Variants in KCNT2 observed in about 807,000 individuals in gnomAD.
The protein encoded by KCNT2 is potassium sodium-activated channel subfamily T member 2, also known as potassium channel subfamily T member 2.
Under a neutral mutation model 153.8 loss-of-function variants are expected in KCNT2, and 67 were observed. That is an observed-to-expected ratio of 0.44 (90% CI 0.36 to 0.53). The LOEUF (loss-of-function observed/expected upper bound fraction) is 0.53. Among genes scored for constraint, KCNT2 ranks in the 20% least tolerant of loss-of-function variants. The pLI, the probability that KCNT2 is intolerant of heterozygous loss-of-function variation, is 0.00. For synonymous variants in KCNT2, 500 were observed against 458.8 expected (o/e 1.09, Z -1.15); for missense variants, 975 against 1,354.8 (o/e 0.72, Z 4.40).
intron 22 of KCNT2, among the ~76,000 whole-genome samples, chr1:196,291,352 A>C (rs1346298918): frequency 5.9e-5 from 9 of 151,848 alleles, no homozygotes; most frequent in African/African-American, 2.2e-4. Context: ...GAGGAAAAAA[A>C]GATTTTTATG....
intron 4 of KCNT2, among the ~76,000 whole-genome samples, chr1:196,481,748 A>G (rs537066890): frequency 1.2e-4 from 18 of 152,296 alleles, no homozygotes; most frequent in Admixed American, 1.1e-3. Context: ...ACTCTAGGGA[A>G]CACCTCAACA....
intron 1 of KCNT2, among the ~76,000 whole-genome samples, chr1:196,533,439 C>A (rs1655187280): frequency 6.6e-6 from 1 of 152,028 alleles, no homozygotes; most frequent in Non-Finnish European, 1.5e-5. Flanking sequence ...TCCAGAGAAG[C>A]AACTATAAAT....
At chr1:196,458,877 A>G (rs879059085) in intron 8 of KCNT2, among the ~76,000 whole-genome samples, 19 of 151,920 alleles carry the variant, frequency 1.3e-4, no homozygotes, top group Admixed American at 6.6e-4. Context: ...GAAAAACTTA[A>G]TTAGCAATGG....
chr1:196,426,951 C>T (rs1207192491), intron 10 of KCNT2, among the ~76,000 whole-genome samples: 1 of 151,864 alleles, frequency 6.6e-6, no homozygotes, highest in African/African-American at 2.4e-5. Context: ...CTTAGGCCTC[C>T]CCAGACATGT....
chr1:196,596,744 C>T (rs1339040086), intron 1 of KCNT2, among the ~76,000 whole-genome samples: 2 of 152,082 alleles, frequency 1.3e-5, no homozygotes, highest in East Asian at 1.9e-4. Flanking sequence ...GACAGGGTCT[C>T]GTGCTGGCAT....
At chr1:196,573,659 A>G (rs1661024444) in intron 1 of KCNT2, among the ~76,000 whole-genome samples, 1 of 151,992 alleles carries the variant, frequency 6.6e-6, no homozygotes, top group Admixed American at 6.6e-5. Context: ...GAAGAAAGAG[A>G]CGGAAGGAGG....
At chr1:196,474,917 A>C (rs1304608682) in intron 5 of KCNT2, among the ~76,000 whole-genome samples, 1 of 152,176 alleles carries the variant, frequency 6.6e-6, no homozygotes, top group Non-Finnish European at 1.5e-5. Flanking sequence ...ATGGATGCTA[A>C]TTCATTATCT....
chr1:196,271,049 A>AAC (rs910551629), intron 25 of KCNT2, among the ~76,000 whole-genome samples: 25 of 151,728 alleles, frequency 1.6e-4, no homozygotes, highest in African/African-American at 6.0e-4. Flanking sequence ...CACACACACA[A>AAC]ACACACACGC....
At chr1:196,608,079 T>C in intron 1 of KCNT2, 136 bp downstream of exon 1, 1 of 751,020 alleles carries the variant, frequency 1.3e-6, no homozygotes, top group South Asian at 1.5e-5. Flanking sequence ...TCAGAGTCTC[T>C]TTTACTCCCT....
At chr1:196,343,207 T>G (rs768463603) in intron 14 of KCNT2, 9 of 152,210 alleles carry the variant, frequency 5.9e-5, no homozygotes, top group Non-Finnish European at 1.3e-4. Context: ...CCCACAAAAG[T>G]ATTTTTATAA....
intron 13 of KCNT2, among the ~76,000 whole-genome samples, chr1:196,385,907 G>A (rs1378112845): frequency 6.6e-6 from 1 of 151,966 alleles, no homozygotes; most frequent in Admixed American, 6.6e-5. Context: ...TGCCTGTGCT[G>A]TTCCCTCCTA....
chr1:196,488,436 T>A (rs577804204), intron 3 of KCNT2, among the ~76,000 whole-genome samples: 2 of 152,026 alleles, frequency 1.3e-5, no homozygotes, highest in Admixed American at 1.3e-4. Flanking sequence ...CCAAACATTC[T>A]TAGTGATATT....
chr1:196,230,557 G>C (rs1478256941), intron 27 of KCNT2, among the ~76,000 whole-genome samples: 1 of 151,902 alleles, frequency 6.6e-6, no homozygotes, highest in Non-Finnish European at 1.5e-5. Context: ...CGTGGGATGA[G>C]GTAGAAATAT....
intron 1 of KCNT2, among the ~76,000 whole-genome samples, chr1:196,507,826 T>C (rs756184517): frequency 3.3e-5 from 5 of 152,234 alleles, no homozygotes; most frequent in Middle Eastern, 6.8e-3. Flanking sequence ...ATTTATAATA[T>C]GATAAAATAA....
chr1:196,305,658 G>A (rs934631967), intron 21 of KCNT2, among the ~76,000 whole-genome samples: 11 of 152,008 alleles, frequency 7.2e-5, no homozygotes, highest in Admixed American at 3.9e-4. Context: ...GAAGTTACAA[G>A]GTTACTTTGT....
At chr1:196,292,736 G>T (rs1370116302) in intron 22 of KCNT2, among the ~76,000 whole-genome samples, 1 of 150,652 alleles carries the variant, frequency 6.6e-6, no homozygotes, top group Non-Finnish European at 1.5e-5. Context: ...GAACCCGGGA[G>T]GCGGGGCGGA....
chr1:196,593,669 T>C (rs530655257), intron 1 of KCNT2, among the ~76,000 whole-genome samples: 1 of 152,046 alleles, frequency 6.6e-6, no homozygotes, highest in South Asian at 2.1e-4. Context: ...CAAAAATATA[T>C]ACACCTACCA....
At chr1:196,561,678 G>GAAAAAAAAAAAAAAAA (rs1659427672) in intron 1 of KCNT2, among the ~76,000 whole-genome samples, 1 of 45,474 alleles carries the variant, frequency 2.2e-5, no homozygotes, top group Non-Finnish European at 5.4e-5. Flanking sequence ...AAAAAAAAAA[G>GAAAAAAAAAAAAAAAA]AAGAAGAAGA....
intron 1 of KCNT2, among the ~76,000 whole-genome samples, chr1:196,581,101 C>T (rs765117807): frequency 2.6e-5 from 4 of 151,866 alleles, no homozygotes; most frequent in Non-Finnish European, 4.4e-5. Flanking sequence ...GAAAATTAAA[C>T]ATTGAAATAT....
Sources: gnomAD v4.1 joint callset for allele counts (sites outside exome capture counted in the v4.1 genomes callset) on GRCh38, gnomAD v4.1.1 for gene constraint, MANE v1.5 for transcripts, NCBI Gene and HGNC (gene_info 2026-07-23, HGNC 2026-07-21) for gene names.